RNF146: variants seen among roughly 807,000 people sequenced by gnomAD.
RNF146 encodes ring finger protein 146, also known as E3 ubiquitin-protein ligase RNF146.
Under a neutral mutation model 29.7 loss-of-function variants are expected in RNF146, and 11 were observed. The observed-to-expected ratio is 0.37, with a 90% CI of 0.23 to 0.61. The LOEUF is 0.61. Ranked by LOEUF, RNF146 falls within the 20% of genes least tolerant of loss-of-function variation. The pLI, the probability that RNF146 is intolerant of heterozygous loss-of-function variation, is 0.66. For missense variants in RNF146, 342 were observed against 438.9 expected (o/e 0.78, Z 1.97); for synonymous variants, 150 against 159.7 (o/e 0.94, Z 0.46).
Position 127,287,129 on chromosome 6 carries a change from T to C in RNF146, c.516T>C (p.Asp172=), listed in dbSNP as rs1211699552. The part of the protein sequence containing the change: ...RRRKIKRDII[D]IPKKGVAGLR... ...GGAAGATTAAGCGAGATATAATAGATATACCAAAGAAGGGAGTAGCTGGAC... is the reference window on the plus strand; with the variant it reads ...GGAAGATTAAGCGAGATATAATAGACATACCAAAGAAGGGAGTAGCTGGAC... The change falls in exon 3 of 3, where the codon GAT becomes GAC. Residue 172 remains aspartate (D), a synonymous_variant. Transcript: ENST00000368314. 7 of 1,613,146 alleles carry C rather than the reference T, an allele frequency of 4.3e-6. No homozygotes were observed. The highest frequency in any genetic ancestry group is 5.9e-6 in the Non-Finnish European group (7 of 1,179,600).
Position 127,286,007 on chromosome 6 carries a change from GATAC to G in RNF146, c.3-606_3-603del. 5.8e-6 allele frequency: 7 copies of G among 1,215,208 alleles called. No individual in the cohort carries two copies. The highest frequency in any genetic ancestry group is 7.2e-6 in the Non-Finnish European group (7 of 974,352). 75.3% of individuals were successfully genotyped at this position (1,215,208 alleles called of 1,614,324 possible). A position where few individuals can be genotyped will look rare whatever the true frequency, so the allele number is the denominator to read the frequency against. On this transcript the variant is annotated intron_variant, in intron 2 of 2. Transcript: ENST00000368314. This position sits in a 1 kb window ranked among gnomAD's most constrained non-coding sequence, Gnocchi z 4.6. The stretch of plus-strand genomic sequence containing the variant: ...AAATTTTATGTCAGTGTTTAAGCTA[GATAC>G]ATCCAATTTGACAAATCTTTTTTCT...
At chr6:127,270,687 CT>C (rs796206372) in intron 1 of RNF146, among the ~76,000 whole-genome samples, 2 of 151,632 alleles carry the variant, frequency 1.3e-5, no homozygotes, top group African/African-American at 2.4e-5. Flanking sequence ...TTATACAATA[CT>C]TTTTTTTTCT....
At chr6:127,281,594 A>C (rs1432176131) in intron 2 of RNF146, among the ~76,000 whole-genome samples, 1 of 151,768 alleles carries the variant, frequency 6.6e-6, no homozygotes, top group Admixed American at 6.6e-5. Context: ...GGAGGGAAAC[A>C]GCTGCCTAAT....
At chr6:127,275,590 G>A (rs1269808181) in intron 1 of RNF146, among the ~76,000 whole-genome samples, 1 of 152,086 alleles carries the variant, frequency 6.6e-6, no homozygotes, top group East Asian at 1.9e-4. Flanking sequence ...TTTCACAGAA[G>A]AGTCAGACTT....
At chr6:127,270,921 T>A (rs889635843) in intron 1 of RNF146, among the ~76,000 whole-genome samples, 1 of 151,850 alleles carries the variant, frequency 6.6e-6, no homozygotes, top group Admixed American at 6.6e-5. Context: ...ATTCAAGAGA[T>A]TCTCCTGCCT....
intron 1 of RNF146, among the ~76,000 whole-genome samples, chr6:127,272,663 A>G (rs1187052485): frequency 1.3e-5 from 2 of 152,162 alleles, no homozygotes; most frequent in Admixed American, 1.3e-4. Flanking sequence ...ACGCAAATGT[A>G]TTTTTGAAAG....
chr6:127,268,703 T>G (rs1310163355), intron 1 of RNF146, among the ~76,000 whole-genome samples: 1 of 152,160 alleles, frequency 6.6e-6, no homozygotes, highest in African/African-American at 2.4e-5. Context: ...CTTGGTAGAA[T>G]TATAATTATC....
At chr6:127,269,626 A>C (rs1777171805) in intron 1 of RNF146, among the ~76,000 whole-genome samples, 1 of 152,198 alleles carries the variant, frequency 6.6e-6, no homozygotes, top group Admixed American at 6.5e-5. Flanking sequence ...TGAAGTTTCC[A>C]AGTATGACCT....
At chr6:127,279,403 C>A (rs1024650675) in intron 1 of RNF146, among the ~76,000 whole-genome samples, 1 of 151,820 alleles carries the variant, frequency 6.6e-6, no homozygotes, top group East Asian at 1.9e-4. Context: ...GTAGACTTGA[C>A]ACCCTTTTGG....
intron 1 of RNF146, among the ~76,000 whole-genome samples, chr6:127,273,096 G>A (rs2114433300): frequency 6.6e-6 from 1 of 152,152 alleles, no homozygotes; most frequent in East Asian, 1.9e-4. Flanking sequence ...AGCACTTCTA[G>A]CATCACTAGT....
chr6:127,286,903 C>T lies in RNF146; in HGVS notation c.290C>T (p.Ala97Val). The change falls in exon 3 of 3, where the codon GCA becomes GTA. Residue 97 changes from alanine (A) to valine (V), a missense_variant. Around this residue, in one of 6 missense-constraint regions of RNF146, gnomAD observed 50 missense variants for 54.9 expected, o/e 0.91. Coordinates refer to ENST00000368314, the MANE Select transcript of RNF146 (RefSeq NM_001242850.2). This position sits in a 1 kb window ranked among gnomAD's most constrained non-coding sequence, Gnocchi z 4.6. The part of the protein sequence containing the change: ...TLLSPEELKA[A>V]SRGNGEYAWY... ...TTGTCACCAGAAGAACTCAAGGCAG[C>T]AAGTAGAGGAAATGGTGAATATGCA... 6.2e-7 allele frequency: 1 copy of T among 1,613,114 alleles called. No homozygotes were observed. The highest frequency in any genetic ancestry group is 8.5e-7 in the Non-Finnish European group (1 of 1,179,552).
chr6:127,285,118 GTGATCAGTTCTTCCAT>G, intron 2 of RNF146: 1 of 667,840 alleles, frequency 1.5e-6, no homozygotes, highest in Non-Finnish European at 1.8e-6. Flanking sequence ...AAACATTTTA[GTGATCAGTTCTTCCAT>G]TGAGACTGTG....
rs377271416 is a variant in RNF146, at chr6:127,287,506, A to C, written c.893A>C (p.Asp298Ala). The change falls in exon 3 of 3, where the codon GAT (aspartate) becomes GCT (alanine). Residue 298 changes from aspartate (D) to alanine (A), a missense_variant. Transcript: ENST00000368314. ...TESDASSDSE[D>A]VSAVVAQHSL... The stretch of plus-strand genomic sequence containing the variant: ...TCAGATGCCAGTAGTGATAGTGAGG[A>C]TGTATCTGCAGTTGTTGCACAGCAC... 20 of 1,613,156 alleles carry C rather than the reference A, an allele frequency of 1.2e-5. No individual in the cohort carries two copies. The African/African-American group carries it at 2.5e-4, about 20-fold the overall frequency.
At chr6:127,276,179 TGA>T (rs977322722) in intron 1 of RNF146, among the ~76,000 whole-genome samples, 1 of 151,156 alleles carries the variant, frequency 6.6e-6, no homozygotes, top group Non-Finnish European at 1.5e-5. Flanking sequence ...TGTGAGAGAG[TGA>T]GAGAGAGAGA....
intron 1 of RNF146, among the ~76,000 whole-genome samples, chr6:127,275,099 ACCTATGTGGTCAT>A (rs1316839575): frequency 6.6e-6 from 1 of 152,138 alleles, no homozygotes; most frequent in Non-Finnish European, 1.5e-5. Context: ...TGCTGGGCTG[ACCTATGTGGTCAT>A]CCTAGTGAAG....
intron 1 of RNF146, among the ~76,000 whole-genome samples, chr6:127,274,271 A>C (rs929734407): frequency 6.6e-6 from 1 of 152,146 alleles, no homozygotes; most frequent in African/African-American, 2.4e-5. Context: ...ATAGTTTTAT[A>C]GGAAAGATCA....
chr6:127,273,585 G>GA (rs201414842), intron 1 of RNF146, among the ~76,000 whole-genome samples: 3,973 of 151,814 alleles, frequency 0.026, 78 homozygotes, highest in Non-Finnish European at 0.042. Flanking sequence ...CATATTTATT[G>GA]AAAAAACTGT....
intron 1 of RNF146, among the ~76,000 whole-genome samples, chr6:127,270,339 T>TA (rs1178236398): frequency 6.6e-6 from 1 of 152,210 alleles, no homozygotes; most frequent in Non-Finnish European, 1.5e-5. Flanking sequence ...TTCTTTTTTT[T>TA]ATGTTACCTT....
In RNF146 at chr6:127,286,478, T is replaced by G. The variant is rs990293046; in HGVS notation, c.3-138T>G. On this transcript the variant is annotated intron_variant, in intron 2 of 2. Transcript: ENST00000368314. The surrounding 1 kb of genome is among the most constrained non-coding windows in gnomAD (Gnocchi z 4.6). ...CGGTTGGAGAGTTTTTCCTCTACTT[T>G]CATCTTCATATCCCCATTGTCTAGT... 6.8e-6 allele frequency: 6 copies of G among 879,206 alleles called. No individual in the cohort carries two copies. The African/African-American group carries it at 1.0e-4, about 15-fold the overall frequency. The allele number at this position is 879,206 out of a possible 1,614,324, so 54.5% of individuals were successfully genotyped here. A position where few individuals can be genotyped will look rare whatever the true frequency, so the allele number is the denominator to read the frequency against.
Sources: allele counts gnomAD v4.1 joint callset (sites outside exome capture counted in the v4.1 genomes callset), GRCh38; gene constraint gnomAD v4.1.1; regional missense constraint gnomAD v4.1.1; non-coding constraint Gnocchi (gnomAD v3.1); transcripts MANE v1.5; gene names NCBI Gene and HGNC (gene_info 2026-07-23, HGNC 2026-07-21).